CRACDL: variants seen among roughly 807,000 people sequenced by gnomAD.
CRACDL encodes CRACD-like protein.
CRACDL carries 26 observed loss-of-function variants against 70.6 expected under a neutral mutation model. The observed-to-expected ratio is 0.37, with a 90% CI of 0.27 to 0.51. The LOEUF is 0.51. Among genes scored for constraint, CRACDL ranks in the 20% least tolerant of loss-of-function variants. CRACDL has a pLI of 0.94. For synonymous variants in CRACDL, 618 were observed against 615.2 expected (o/e 1.00, Z -0.07); for missense variants, 1,283 against 1,376.9 (o/e 0.93, Z 1.08).
chr2:98,831,883 A>G (rs1411304181), intron 5 of CRACDL, among the ~76,000 whole-genome samples: 4 of 152,080 alleles, frequency 2.6e-5, no homozygotes, highest in Non-Finnish European at 5.9e-5. Flanking sequence ...AATACAGCAC[A>G]TTACTACCCC....
At chr2:98,895,946 C>T (rs1025388260) in intron 1 of CRACDL, among the ~76,000 whole-genome samples, 19 of 152,166 alleles carry the variant, frequency 1.2e-4, no homozygotes, top group Non-Finnish European at 2.5e-4. Context: ...AAGGTGCTAC[C>T]TACGAACCAG....
chr2:98,847,639 T>C (rs1706315782), intron 1 of CRACDL, among the ~76,000 whole-genome samples: 1 of 152,246 alleles, frequency 6.6e-6, no homozygotes, highest in South Asian at 2.1e-4. Context: ...CAGGTCAATA[T>C]TCCTGCTACA....
intron 1 of CRACDL, among the ~76,000 whole-genome samples, chr2:98,866,412 G>GAATGAGCA (rs1707142450): frequency 6.8e-6 from 1 of 147,388 alleles, no homozygotes; most frequent in African/African-American, 2.5e-5. Context: ...ATGAATGAAT[G>GAATGAGCA]AATGAGCAAA....
chr2:98,874,083 C>A (rs1707419586), intron 1 of CRACDL, among the ~76,000 whole-genome samples: 1 of 152,192 alleles, frequency 6.6e-6, no homozygotes, highest in African/African-American at 2.4e-5. Flanking sequence ...GGCAGTCAAC[C>A]AATTATAGCC....
At position 98,815,044 on chromosome 2, in the gene CRACDL, A is replaced by AT. The variant is rs555799639; in HGVS notation, c.2416+6812dup. Among the ~76,000 whole-genome samples the AT allele has an allele frequency of 6.0e-3, 888 of 147,860 alleles. 5 individuals carry two copies. The highest frequency in any genetic ancestry group is 0.016 in the African/African-American group (634 of 40,496). ...TAAAATTTCTATCTTTATAGCTTCT[A>AT]TTTTTTTTTTACAGAGAATTTCTAT... On this transcript the variant is annotated intron_variant, in intron 7 of 9. Coordinates refer to ENST00000397899, the MANE Select transcript of CRACDL (RefSeq NM_207362.3).
intron 1 of CRACDL, chr2:98,869,034 C>G: frequency 8.0e-7 from 1 of 1,257,442 alleles, no homozygotes; most frequent in Non-Finnish European, 1.1e-6. Flanking sequence ...CCTCCCCTCC[C>G]TCGCGACTCT....
chr2:98,801,599 G>A (rs1415690911), intron 7 of CRACDL, among the ~76,000 whole-genome samples: 1 of 152,216 alleles, frequency 6.6e-6, no homozygotes, highest in Non-Finnish European at 1.5e-5. Context: ...ATGCCTCCCA[G>A]TGTGGTTGTG....
chr2:98,839,822 T>C (rs930159071), intron 2 of CRACDL, among the ~76,000 whole-genome samples: 2 of 152,224 alleles, frequency 1.3e-5, no homozygotes, highest in African/African-American at 4.8e-5. Context: ...AATATCTTTT[T>C]ATCTTTCAAG....
chr2:98,897,722 T>C (rs1333005988), intron 1 of CRACDL, among the ~76,000 whole-genome samples: 4 of 152,248 alleles, frequency 2.6e-5, no homozygotes, highest in Non-Finnish European at 5.9e-5. Context: ...GGTTCAGCTG[T>C]TCACAGACTT....
intron 1 of CRACDL, among the ~76,000 whole-genome samples, chr2:98,877,238 C>T (rs1426780503): frequency 6.6e-6 from 1 of 152,228 alleles, no homozygotes; most frequent in African/African-American, 2.4e-5. Flanking sequence ...AGCTGAGTGA[C>T]TTGTGATCAG....
intron 1 of CRACDL, among the ~76,000 whole-genome samples, chr2:98,910,366 A>G (rs915290981): frequency 6.6e-5 from 10 of 151,828 alleles, no homozygotes; most frequent in Non-Finnish European, 1.3e-4. Context: ...CTAAAAATAC[A>G]AAAAATTAGC....
intron 1 of CRACDL, among the ~76,000 whole-genome samples, chr2:98,886,615 T>G (rs1411865732): frequency 6.6e-6 from 1 of 152,208 alleles, no homozygotes; most frequent in East Asian, 1.9e-4. Flanking sequence ...CAGCAAATAT[T>G]GGGAGGTTTA....
chr2:98,846,889 C>T (rs1706279016), intron 1 of CRACDL, 79 bp from the exon 2 acceptor site: 19 of 1,210,400 alleles, frequency 1.6e-5, no homozygotes, highest in Non-Finnish European at 2.3e-5. Context: ...TTCGTGACTG[C>T]ATTTGCCATG....
intron 2 of CRACDL, among the ~76,000 whole-genome samples, chr2:98,844,152 G>A (rs564382662): frequency 6.6e-6 from 1 of 152,024 alleles, no homozygotes; most frequent in Non-Finnish European, 1.5e-5. Context: ...CTGCAATCTC[G>A]GTATATTTGT....
At chr2:98,902,247 G>A (rs532993268) in intron 1 of CRACDL, among the ~76,000 whole-genome samples, 49 of 152,254 alleles carry the variant, frequency 3.2e-4, no homozygotes, top group South Asian at 8.3e-4. Context: ...AAGTGGGCTC[G>A]CCTCTCTCAG....
intron 3 of CRACDL, among the ~76,000 whole-genome samples, chr2:98,837,068 G>A (rs925268390): frequency 9.2e-5 from 13 of 141,368 alleles, no homozygotes; most frequent in Admixed American, 7.2e-4. Flanking sequence ...CTGGGCGACA[G>A]AGCGAGACTC....
At chr2:98,874,430 T>A (rs1707428479) in intron 1 of CRACDL, among the ~76,000 whole-genome samples, 1 of 152,216 alleles carries the variant, frequency 6.6e-6, no homozygotes, top group Non-Finnish European at 1.5e-5. Flanking sequence ...GGCTATGCCC[T>A]AGCCGGGAGT....
rs1048618234 is a variant in CRACDL, at chr2:98,864,548, CT to C, written c.-10-17739del. 9.2e-3 allele frequency among the ~76,000 whole-genome samples: 1,305 copies of C among 141,714 alleles called. 5 individuals carry two copies. The highest frequency in any genetic ancestry group is 0.013 in the Non-Finnish European group (852 of 64,574). The allele number at this position is 141,714 out of a possible 152,430, so 93.0% of individuals were successfully genotyped here. A position where few individuals can be genotyped will look rare whatever the true frequency, so the allele number is the denominator to read the frequency against. On this transcript the variant is annotated intron_variant, in intron 1 of 9. Transcript: ENST00000397899. ...TTAACAAAAACCCATTGATTGTACCCTTTTTTTTTTTTTTTTGAGACGGAGT... is the reference window on the plus strand; with the variant it reads ...TTAACAAAAACCCATTGATTGTACCCTTTTTTTTTTTTTTTGAGACGGAGT...
Position 98,823,137 on chromosome 2 carries a change from C to G in CRACDL, c.1136G>C (p.Gly379Ala). ...GKQDGEAPPA[G>A]PCAPATDKAE... ...CTTGTCCGTGGCCGGGGCACACGGGCCTGCGGGGGGCGCCTCCCCATCCTG... is the reference window on the plus strand; with the variant it reads ...CTTGTCCGTGGCCGGGGCACACGGGGCTGCGGGGGGCGCCTCCCCATCCTG... Residue 379 changes from glycine (G) to alanine (A), a missense_variant, in exon 7 of 10, where the codon GGC becomes GCC. This residue lies in a region of CRACDL where 921 missense variants were observed against 881.9 expected (regional missense o/e 1.04). Coordinates refer to ENST00000397899, the MANE Select transcript of CRACDL (RefSeq NM_207362.3). The surrounding 1 kb of genome is among the most constrained non-coding windows in gnomAD (Gnocchi z 4.0). 6.4e-7 allele frequency: 1 copy of G among 1,564,288 alleles called. No homozygotes were observed. The highest frequency in any genetic ancestry group is 8.6e-7 in the Non-Finnish European group (1 of 1,158,946).
Sources: gnomAD v4.1 joint callset for allele counts (sites outside exome capture counted in the v4.1 genomes callset) on GRCh38, gnomAD v4.1.1 for gene constraint, gnomAD v4.1.1 regional missense constraint, Gnocchi (gnomAD v3.1) non-coding constraint, MANE v1.5 for transcripts, NCBI Gene and HGNC (gene_info 2026-07-23, HGNC 2026-07-21) for gene names.